Variants in SNX29 observed in about 807,000 individuals in gnomAD.
SNX29 encodes sorting nexin 29.
SNX29 carries 78 observed loss-of-function variants against 102.1 expected under a neutral mutation model. That is an observed-to-expected ratio of 0.76 (90% CI 0.64 to 0.92). The LOEUF is 0.92. Ranked by LOEUF, SNX29 falls within the 40% of genes least tolerant of loss-of-function variation. The probability of loss-of-function intolerance (pLI) is 0.00; values close to 1 mark genes in which losing one functional copy is unlikely to be tolerated. For missense variants in SNX29, 1,280 were observed against 1,061.7 expected (o/e 1.21, Z -2.86); for synonymous variants, 580 against 414.5 (o/e 1.40, Z -4.85).
intron 16 of SNX29, among the ~76,000 whole-genome samples, chr16:12,358,549 C>T (rs1433347958): frequency 6.6e-6 from 1 of 152,180 alleles, no homozygotes; most frequent in Non-Finnish European, 1.5e-5. Context: ...CCTTTTTCTA[C>T]CCAAGGCAGG....
intron 3 of SNX29, among the ~76,000 whole-genome samples, chr16:12,025,822 G>A (rs569720551): frequency 1.6e-4 from 25 of 152,294 alleles, no homozygotes; most frequent in Admixed American, 7.2e-4. Context: ...GATGTTTTTC[G>A]TGATGATATG....
intron 20 of SNX29, among the ~76,000 whole-genome samples, chr16:12,558,327 A>G (rs1312505271): frequency 6.7e-6 from 1 of 149,958 alleles, no homozygotes. Context: ...GTGGCTATCA[A>G]CAAAGAGACA....
intron 3 of SNX29, among the ~76,000 whole-genome samples, chr16:12,025,552 C>G (rs76561366): frequency 0.016 from 2,501 of 152,164 alleles, 55 homozygotes; most frequent in African/African-American, 0.057. Flanking sequence ...AAGGTGAAAA[C>G]CAAGCAGTAT....
chr16:12,364,785 T>G (rs2082413216), intron 16 of SNX29, among the ~76,000 whole-genome samples: 1 of 152,186 alleles, frequency 6.6e-6, no homozygotes, highest in South Asian at 2.1e-4. Context: ...TCACCTCCAC[T>G]TAAGCAGAAA....
intron 17 of SNX29, among the ~76,000 whole-genome samples, chr16:12,398,712 CA>C: frequency 1.4e-5 from 2 of 147,640 alleles, no homozygotes; most frequent in East Asian, 2.0e-4. Context: ...TATTTAAAAA[CA>C]TTTTTTTTTT....
At chr16:12,472,185 G>A (rs2087377597) in intron 18 of SNX29, among the ~76,000 whole-genome samples, 1 of 152,256 alleles carries the variant, frequency 6.6e-6, no homozygotes, top group East Asian at 1.9e-4. Context: ...AAAGAAACTA[G>A]ACCCAGAGGA....
At chr16:12,194,671 G>A (rs1188258081) in intron 13 of SNX29, among the ~76,000 whole-genome samples, 1 of 150,244 alleles carries the variant, frequency 6.7e-6, no homozygotes, top group Non-Finnish European at 1.5e-5. Flanking sequence ...CTGTCACCTA[G>A]GCTGGAGTGC....
At chr16:12,519,886 T>A (rs1299338691) in intron 19 of SNX29, among the ~76,000 whole-genome samples, 1 of 152,066 alleles carries the variant, frequency 6.6e-6, no homozygotes, top group Admixed American at 6.6e-5. Flanking sequence ...TGTGCCCCTG[T>A]AGTCCCAGCT....
chr16:12,559,630 C>G (rs563940164), intron 20 of SNX29, among the ~76,000 whole-genome samples: 2 of 151,964 alleles, frequency 1.3e-5, no homozygotes, highest in Non-Finnish European at 2.9e-5. Context: ...TGCACATGGC[C>G]CTGTATCCAA....
At chr16:12,450,586 G>A (rs768986719) in intron 18 of SNX29, among the ~76,000 whole-genome samples, 15 of 152,192 alleles carry the variant, frequency 9.9e-5, no homozygotes, top group Non-Finnish European at 1.2e-4. Context: ...CAGCACACAC[G>A]GTGTGAGAGA....
At chr16:12,089,789 C>T (rs1336488238) in intron 11 of SNX29, 1 of 350,326 alleles carries the variant, frequency 2.9e-6, no homozygotes, top group East Asian at 1.0e-4. Context: ...GAAGAGCAGG[C>T]TCTGAAGCCT....
chr16:12,002,887 TC>T lies in SNX29; in HGVS notation c.70-101del. 2.3e-6 allele frequency: 3 copies of T among 1,283,406 alleles called. No individual in the cohort carries two copies. The South Asian group carries it at 3.7e-5, about 16-fold the overall frequency. The allele number at this position is 1,283,406 out of a possible 1,614,324, so 79.5% of individuals were successfully genotyped here. On this transcript the variant is annotated intron_variant, in intron 2 of 20. Transcript: ENST00000566228. Reference sequence around the variant, plus strand: ...CTCACTTGGCATGCAGAGCTTCTGGTCCCGTGTCCCCTCCCTGACCCTTAAG... The same window carrying T: ...CTCACTTGGCATGCAGAGCTTCTGGTCCGTGTCCCCTCCCTGACCCTTAAG...
At chr16:12,320,179 T>G (rs1307089010) in intron 15 of SNX29, among the ~76,000 whole-genome samples, 1 of 152,152 alleles carries the variant, frequency 6.6e-6, no homozygotes, top group African/African-American at 2.4e-5. Context: ...CGACCCTGAC[T>G]TCCCAGGGGG....
At chr16:12,051,720 G>C in intron 7 of SNX29, 127 bp from the exon 8 acceptor site, 2 of 1,345,098 alleles carry the variant, frequency 1.5e-6, no homozygotes, top group Non-Finnish European at 2.0e-6. Flanking sequence ...TAAAAAGTCT[G>C]AATTCATGTT....
intron 13 of SNX29, among the ~76,000 whole-genome samples, chr16:12,151,030 G>C (rs1278242041): frequency 6.6e-6 from 1 of 152,062 alleles, no homozygotes; most frequent in Admixed American, 6.5e-5. Flanking sequence ...ATGTTAATAT[G>C]TTTGTTTCTG....
At chr16:12,384,592 G>C (rs2083284341) in intron 16 of SNX29, among the ~76,000 whole-genome samples, 5 of 152,132 alleles carry the variant, frequency 3.3e-5, no homozygotes, top group Admixed American at 3.3e-4. Context: ...TGAGTTGTTT[G>C]AGTTTCTGAT....
At chr16:12,335,440 G>T (rs2081417470) in intron 15 of SNX29, among the ~76,000 whole-genome samples, 1 of 152,112 alleles carries the variant, frequency 6.6e-6, no homozygotes, top group Non-Finnish European at 1.5e-5. Flanking sequence ...CAAGATGGAA[G>T]GATCTCTTCA....
chr16:12,503,761 G>T (rs2089239015), intron 19 of SNX29, among the ~76,000 whole-genome samples: 1 of 152,058 alleles, frequency 6.6e-6, no homozygotes. Context: ...CCTCTGGCAG[G>T]CCCAGACTTA....
At chr16:12,330,448 G>A (rs912384017) in intron 15 of SNX29, among the ~76,000 whole-genome samples, 4 of 152,134 alleles carry the variant, frequency 2.6e-5, no homozygotes, top group African/African-American at 7.2e-5. Flanking sequence ...GCCTGAAATG[G>A]GCTTGACGGT....
Sources: gnomAD v4.1 joint callset for allele counts (sites outside exome capture counted in the v4.1 genomes callset) on GRCh38, gnomAD v4.1.1 for gene constraint, MANE v1.5 for transcripts, NCBI Gene and HGNC (gene_info 2026-07-23, HGNC 2026-07-21) for gene names.